OGDH: variants seen among roughly 807,000 people sequenced by gnomAD.
OGDH encodes the protein 2-oxoglutarate dehydrogenase complex component E1.
In OGDH, 38 loss-of-function variants were observed where a neutral mutation model predicts 116.6. The observed-to-expected ratio is 0.33, with a 90% CI of 0.25 to 0.43. The LOEUF is 0.43. OGDH is among the 20% of genes least tolerant of loss of function. The pLI is 1.00. For missense variants in OGDH, 825 were observed against 1,357.2 expected, an observed-to-expected ratio of 0.61 and a Z score of 6.16; for synonymous variants, 488 against 533.3, an observed-to-expected ratio of 0.92 and a Z score of 1.17.
In OGDH at chr7:44,697,363, G is replaced by A. The variant is rs1237731867; in HGVS notation, c.2052-7G>A. ...TCCTAATTATTACCTCTGTTGTCCT[G>A]TCTCAGCCACCGCCACCATGTGCTC... On this transcript the variant is annotated splice_region_variant and splice_polypyrimidine_tract_variant and intron_variant, in intron 15 of 22. Transcript: ENST00000222673. The surrounding 1 kb of genome is among the most constrained non-coding windows in gnomAD (Gnocchi z 6.0). 6.2e-7 allele frequency: 1 copy of A among 1,614,052 alleles called. No homozygotes were observed. Among genetic ancestry groups the A allele is most frequent in the East Asian group, 2.2e-5 (1 of 44,890 alleles).
At chr7:44,650,854 A>G (rs1212987169) in intron 4 of OGDH, among the ~76,000 whole-genome samples, 1 of 152,026 alleles carries the variant, frequency 6.6e-6, no homozygotes, top group Non-Finnish European at 1.5e-5. Context: ...ACTGTTGTGT[A>G]GTGGTGTACT....
rs1405871784 is a variant in OGDH, at chr7:44,699,425, C to T, written c.2431-716C>T. Among the ~76,000 whole-genome samples, 4 of 67,720 alleles carry T rather than the reference C, an allele frequency of 5.9e-5. No individual in the cohort carries two copies. In the Admixed American group the frequency reaches 6.9e-4, roughly 12 times the overall value. The allele number at this position is 67,720 out of a possible 152,430, so 44.4% of individuals were successfully genotyped here. A position where few individuals can be genotyped will look rare whatever the true frequency, so the allele number is the denominator to read the frequency against. On this transcript the variant is annotated intron_variant, in intron 18 of 22. Coordinates refer to ENST00000222673, the MANE Select transcript of OGDH (RefSeq NM_002541.4). ...AGGCGACAGAGGGAGACTCCTGTCT[C>T]AAAAAAAAAAAAAAAAAAAAAAAAC...
intron 5 of OGDH, among the ~76,000 whole-genome samples, chr7:44,670,159 C>T (rs967795230): frequency 6.6e-6 from 1 of 151,894 alleles, no homozygotes; most frequent in Non-Finnish European, 1.5e-5. Flanking sequence ...TAAAGTAATG[C>T]TGATGTTGGA....
intron 4 of OGDH, among the ~76,000 whole-genome samples, chr7:44,664,602 G>A (rs553353034): frequency 6.6e-6 from 1 of 152,242 alleles, no homozygotes; most frequent in East Asian, 1.9e-4. Flanking sequence ...AGAAATTCCA[G>A]GGAACTCCCT....
In OGDH at chr7:44,689,881, A is replaced by G. The variant is rs538664261; in HGVS notation, c.1336-3944A>G. Among the ~76,000 whole-genome samples, 13 of 152,302 alleles carry G rather than the reference A, an allele frequency of 8.5e-5. No individual in the cohort carries two copies. In the East Asian group the frequency reaches 1.7e-3, roughly 20 times the overall value. ...ACAAAAGTTTTATTTTTTATCAAGCATAATTTATCTGTTTTTTCTTTTGTT... is the reference window on the plus strand; with the variant it reads ...ACAAAAGTTTTATTTTTTATCAAGCGTAATTTATCTGTTTTTTCTTTTGTT... On this transcript the variant is annotated intron_variant, in intron 10 of 22. Coordinates refer to ENST00000222673, the MANE Select transcript of OGDH (RefSeq NM_002541.4).
chr7:44,627,651 T>A (rs916296222), intron 2 of OGDH, among the ~76,000 whole-genome samples: 1 of 152,134 alleles, frequency 6.6e-6, no homozygotes, highest in Admixed American at 6.5e-5. Context: ...TTGGCACTAC[T>A]TTCCCATTGT....
chr7:44,644,089 C>T, intron 2 of OGDH, among the ~76,000 whole-genome samples: 1 of 152,260 alleles, frequency 6.6e-6, no homozygotes, highest in East Asian at 1.9e-4. Context: ...CCTGTAATCC[C>T]CGCTGCTCAG....
At chr7:44,654,698 C>T (rs1786609899) in intron 4 of OGDH, among the ~76,000 whole-genome samples, 1 of 152,102 alleles carries the variant, frequency 6.6e-6, no homozygotes, top group Non-Finnish European at 1.5e-5. Flanking sequence ...TGGTCACCCT[C>T]AAGGAGAATG....
At chr7:44,619,506 T>G (rs1331043520) in intron 1 of OGDH, among the ~76,000 whole-genome samples, 3 of 152,260 alleles carry the variant, frequency 2.0e-5, no homozygotes, top group Non-Finnish European at 4.4e-5. Context: ...GTCTTTTGCG[T>G]CTGCTGCTTT....
intron 2 of OGDH, 63 bp downstream of exon 2, chr7:44,624,628 AC>A: frequency 6.9e-7 from 1 of 1,439,420 alleles, no homozygotes; most frequent in Non-Finnish European, 9.8e-7. Context: ...CTGACTGGTC[AC>A]CAGGTAAGTG....
At chr7:44,667,524 T>A (rs1005376778) in intron 5 of OGDH, among the ~76,000 whole-genome samples, 5 of 152,186 alleles carry the variant, frequency 3.3e-5, no homozygotes, top group African/African-American at 1.2e-4. Flanking sequence ...GTGTTTTGTT[T>A]CATTTTTTTC....
chr7:44,679,133 G>A (rs754024852), intron 9 of OGDH, among the ~76,000 whole-genome samples: 11 of 152,156 alleles, frequency 7.2e-5, no homozygotes, highest in Non-Finnish European at 1.5e-4. Context: ...CATGGTAGTC[G>A]CAGTACAACA....
chr7:44,636,507 C>T (rs1033711808), intron 2 of OGDH, among the ~76,000 whole-genome samples: 3 of 152,254 alleles, frequency 2.0e-5, no homozygotes, highest in Non-Finnish European at 4.4e-5. Context: ...CAGACTCTCC[C>T]AGGGTGGAAC....
chr7:44,636,584 G>A (rs1785680832), intron 2 of OGDH, among the ~76,000 whole-genome samples: 1 of 152,204 alleles, frequency 6.6e-6, no homozygotes, highest in East Asian at 1.9e-4. Context: ...TTCAGTAAAG[G>A]TTAGGTGAGC....
chr7:44,672,965 G>T (rs1374874608), intron 5 of OGDH, among the ~76,000 whole-genome samples: 1 of 152,002 alleles, frequency 6.6e-6, no homozygotes, highest in African/African-American at 2.4e-5. Flanking sequence ...TAAGAGCCTG[G>T]TGCCTCCTCT....
intron 1 of OGDH, among the ~76,000 whole-genome samples, chr7:44,611,922 T>G (rs1449730273): frequency 6.6e-6 from 1 of 151,310 alleles, no homozygotes; most frequent in Non-Finnish European, 1.5e-5. Context: ...AGTTTTAATG[T>G]TTTTTTTTAT....
At chr7:44,624,285 T>C (rs1026688358) in intron 1 of OGDH, 32 bp from the exon 2 acceptor site, 2 of 1,382,596 alleles carry the variant, frequency 1.4e-6, no homozygotes, top group African/African-American at 3.1e-5. Flanking sequence ...AAAACCTTTC[T>C]TTCTTGTTTT....
intron 10 of OGDH, among the ~76,000 whole-genome samples, chr7:44,683,970 A>G (rs1232778500): frequency 2.6e-5 from 4 of 152,166 alleles, no homozygotes; most frequent in African/African-American, 9.7e-5. Context: ...AGTTTAGTGC[A>G]GGGTCAGGGG....
chr7:44,642,912 A>C (rs1786010996), intron 2 of OGDH, among the ~76,000 whole-genome samples: 1 of 146,458 alleles, frequency 6.8e-6, no homozygotes, highest in African/African-American at 2.7e-5. Flanking sequence ...ACAGAGCTAG[A>C]CTCTGTCTCA....
Sources: gnomAD v4.1 joint callset for allele counts (sites outside exome capture counted in the v4.1 genomes callset) on GRCh38, gnomAD v4.1.1 for gene constraint, Gnocchi (gnomAD v3.1) non-coding constraint, MANE v1.5 for transcripts, NCBI Gene and HGNC (gene_info 2026-07-23, HGNC 2026-07-21) for gene names.